The following AP3B1 variants were observed in gnomAD, a reference collection of about 807,000 sequenced individuals.
AP3B1 encodes the protein AP-3 complex subunit beta-1.
AP3B1 carries 61 observed loss-of-function variants against 132.5 expected under a neutral mutation model. The observed-to-expected ratio is 0.46, with a 90% CI of 0.37 to 0.57. The LOEUF (loss-of-function observed/expected upper bound fraction) is 0.57. Among genes scored for constraint, AP3B1 ranks in the 20% least tolerant of loss-of-function variants. AP3B1 has a pLI of 0.00. For missense variants in AP3B1, 1,120 were observed against 1,289.4 expected (o/e 0.87, Z 2.01); for synonymous variants, 388 against 438.3 (o/e 0.89, Z 1.43).
At chr5:78,098,960 T>A (rs1751015783) in intron 21 of AP3B1, among the ~76,000 whole-genome samples, 1 of 152,170 alleles carries the variant, frequency 6.6e-6, no homozygotes, top group African/African-American at 2.4e-5. Flanking sequence ...GTCTGAACAT[T>A]TATGTCCCTC....
At chr5:78,134,292 T>C (rs1276121629) in intron 15 of AP3B1, among the ~76,000 whole-genome samples, 1 of 152,038 alleles carries the variant, frequency 6.6e-6, no homozygotes, top group Non-Finnish European at 1.5e-5. Flanking sequence ...TCTCTTAAAA[T>C]ATAGTCCTAA....
intron 17 of AP3B1, among the ~76,000 whole-genome samples, chr5:78,119,218 G>A (rs1334818654): frequency 6.6e-6 from 1 of 152,132 alleles, no homozygotes; most frequent in Non-Finnish European, 1.5e-5. Context: ...ATCAAAAGTA[G>A]ATAAAACCAC....
Position 78,141,268 on chromosome 5 carries a change from G to A in AP3B1, c.1525C>T (p.Arg509Ter), listed in dbSNP as rs121908906. The A allele has an allele frequency of 2.5e-6, 4 of 1,613,608 alleles. No individual in the cohort carries two copies. The highest frequency in any genetic ancestry group is 2.5e-6 in the Non-Finnish European group (3 of 1,179,706). The change falls in exon 15 of 27, where the codon CGA becomes TGA. Residue 509 changes from arginine (R) to a stop codon, truncating the protein, a stop_gained. Coordinates refer to ENST00000255194, the MANE Select transcript of AP3B1 (RefSeq NM_003664.5). LOFTEE classifies it high-confidence loss of function. Reference protein sequence around the residue: ...ILWLIGENCERVPKIAPDVLR... With the variant: ...ILWLIGENCE ...ACATCAGGGGCAATTTTAGGAACTC[G>A]TTCACAGTTTTCTCCAATTAGCCAA...
intron 20 of AP3B1, chr5:78,101,478 CATTGT>C: frequency 3.5e-6 from 1 of 287,808 alleles, no homozygotes; most frequent in East Asian, 1.0e-4. Flanking sequence ...TTGTGACAGG[CATTGT>C]ACTAGATATT....
chr5:78,235,121 T>C (rs1395773915), intron 3 of AP3B1, among the ~76,000 whole-genome samples: 3 of 152,028 alleles, frequency 2.0e-5, no homozygotes, highest in Non-Finnish European at 2.9e-5. Context: ...TCAGCCTCCC[T>C]GGTAATTAGG....
intron 22 of AP3B1, 75 bp from the exon 23 acceptor site, chr5:78,039,349 T>A (rs1237781624): frequency 3.3e-6 from 4 of 1,197,446 alleles, no homozygotes; most frequent in Admixed American, 3.5e-5. Context: ...TGCAAACATT[T>A]ATGACATTTA....
intron 12 of AP3B1, among the ~76,000 whole-genome samples, chr5:78,163,746 A>C (rs928009729): frequency 6.6e-6 from 1 of 151,492 alleles, no homozygotes; most frequent in African/African-American, 2.4e-5. Flanking sequence ...TATCTTTATA[A>C]ATTTTATAAT....
At chr5:78,203,342 G>A (rs1745373297) in intron 7 of AP3B1, among the ~76,000 whole-genome samples, 1 of 152,120 alleles carries the variant, frequency 6.6e-6, no homozygotes, top group Admixed American at 6.6e-5. Context: ...CCTCTTAACA[G>A]GGTAGCAGGA....
chr5:78,144,372 G>C (rs72776440), intron 14 of AP3B1, among the ~76,000 whole-genome samples: 25,073 of 152,168 alleles, frequency 0.16, 2,605 homozygotes, highest in Admixed American at 0.26. Context: ...AGCAGCTATA[G>C]AAAGACATCT....
At chr5:78,003,434 T>G (rs1212055339) in intron 26 of AP3B1, 3 of 730,022 alleles carry the variant, frequency 4.1e-6, no homozygotes, top group East Asian at 2.6e-4. Flanking sequence ...TATTTTTATT[T>G]TTAAAACATG....
chr5:78,046,555 A>C (rs1383369273), intron 22 of AP3B1, among the ~76,000 whole-genome samples: 1 of 152,174 alleles, frequency 6.6e-6, no homozygotes, highest in Non-Finnish European at 1.5e-5. Context: ...TTTCCACAGC[A>C]AACAGCCTTT....
At chr5:78,009,685 G>A (rs1472786887) in intron 26 of AP3B1, among the ~76,000 whole-genome samples, 2 of 144,460 alleles carry the variant, frequency 1.4e-5, no homozygotes, top group Admixed American at 7.5e-5. Flanking sequence ...GACTAGGATT[G>A]TAATTATCCA....
intron 15 of AP3B1, among the ~76,000 whole-genome samples, chr5:78,133,869 T>C (rs921830171): frequency 6.6e-6 from 1 of 152,170 alleles, no homozygotes; most frequent in Non-Finnish European, 1.5e-5. Context: ...ACTAATTATA[T>C]CAATTACATT....
intron 3 of AP3B1, among the ~76,000 whole-genome samples, chr5:78,234,762 G>A (rs1746801120): frequency 6.6e-6 from 1 of 152,082 alleles, no homozygotes; most frequent in Admixed American, 6.6e-5. Flanking sequence ...TTTATCAGCT[G>A]GATCACATTC....
chr5:78,160,006 AT>A (rs1230662193), intron 13 of AP3B1, among the ~76,000 whole-genome samples: 2 of 152,206 alleles, frequency 1.3e-5, no homozygotes, highest in Non-Finnish European at 2.9e-5. Flanking sequence ...AGACTGGGTA[AT>A]TTACTCAGGA....
At chr5:78,113,602 A>G (rs563601264) in intron 19 of AP3B1, 150 bp downstream of exon 19, 2 of 809,570 alleles carry the variant, frequency 2.5e-6, no homozygotes, top group South Asian at 1.7e-5. Context: ...AATGTGAACA[A>G]CTAGCACTTT....
intron 11 of AP3B1, among the ~76,000 whole-genome samples, chr5:78,169,567 T>C (rs1460370622): frequency 1.3e-5 from 2 of 152,034 alleles, no homozygotes; most frequent in East Asian, 3.9e-4. Context: ...TAGCTAAGAT[T>C]ACAGACATCG....
At chr5:78,211,939 A>G (rs1745754975) in intron 7 of AP3B1, among the ~76,000 whole-genome samples, 1 of 152,212 alleles carries the variant, frequency 6.6e-6, no homozygotes. Flanking sequence ...TCATATATAA[A>G]ATGGGTATAA....
chr5:78,054,609 C>G (rs1748729510), intron 22 of AP3B1, among the ~76,000 whole-genome samples: 2 of 152,124 alleles, frequency 1.3e-5, no homozygotes, highest in African/African-American at 4.8e-5. Context: ...AAAGCTAGGC[C>G]ATGAACCTTA....
Sources: allele counts gnomAD v4.1 joint callset (sites outside exome capture counted in the v4.1 genomes callset), GRCh38; gene constraint gnomAD v4.1.1; transcripts MANE v1.5; gene names NCBI Gene and HGNC (gene_info 2026-07-23, HGNC 2026-07-21).